Variants in CHLSN observed in about 807,000 individuals in gnomAD.
The protein encoded by CHLSN is protein cholesin.
chr7:1,129,840 TTTAAGA>T, the CHLSN span, among the ~76,000 whole-genome samples: 3 of 152,160 alleles, frequency 2.0e-5, no homozygotes, highest in Non-Finnish European at 4.4e-5. Flanking sequence ...ACACAAAGCG[TTTAAGA>T]TTAAGAGAAA....
the CHLSN span, among the ~76,000 whole-genome samples, chr7:1,102,283 G>A: frequency 3.3e-5 from 5 of 152,260 alleles, no homozygotes; most frequent in African/African-American, 1.2e-4. Flanking sequence ...GAGGAGCTGG[G>A]CCCAGCGGCA....
the CHLSN span, chr7:1,080,910 A>C: frequency 6.6e-6 from 1 of 152,388 alleles, no homozygotes; most frequent in Non-Finnish European, 1.5e-5. Flanking sequence ...ACTCTGCATG[A>C]ACTGCCTTTG....
At chr7:1,115,609 G>T in the CHLSN span, among the ~76,000 whole-genome samples, 61 of 122,458 alleles carry the variant, frequency 5.0e-4, 5 homozygotes, top group African/African-American at 1.7e-3. Context: ...TACAGCTCTA[G>T]GGATGGCTTC....
the CHLSN span, among the ~76,000 whole-genome samples, chr7:1,136,163 A>G: frequency 1.0e-5 from 1 of 100,218 alleles, no homozygotes; most frequent in East Asian, 3.1e-4. Context: ...TATATACATA[A>G]ATATGTATAA....
At chr7:1,081,410 T>C in the CHLSN span, among the ~76,000 whole-genome samples, 1 of 152,222 alleles carries the variant, frequency 6.6e-6, no homozygotes. Context: ...CCTTTCCTTG[T>C]AGAGCCCGAG....
the CHLSN span, among the ~76,000 whole-genome samples, chr7:1,017,649 C>A: frequency 2.0e-5 from 3 of 152,340 alleles, no homozygotes; most frequent in Non-Finnish European, 4.4e-5. Flanking sequence ...TCAATGCTTA[C>A]GAACTTTCCT....
the CHLSN span, among the ~76,000 whole-genome samples, chr7:1,106,731 A>G: frequency 1.2e-4 from 19 of 152,234 alleles, no homozygotes; most frequent in Non-Finnish European, 2.4e-4. Context: ...ACCAGAGAAG[A>G]TGCCGGTGCT....
chr7:1,073,413 C>A, the CHLSN span, among the ~76,000 whole-genome samples: 2 of 152,118 alleles, frequency 1.3e-5, no homozygotes, highest in Non-Finnish European at 2.9e-5. Context: ...GCTGAGCTCC[C>A]GCCGCCCCTC....
the CHLSN span, among the ~76,000 whole-genome samples, chr7:1,078,354 G>A: frequency 1.1e-4 from 17 of 152,060 alleles, no homozygotes; most frequent in South Asian, 2.1e-4. Context: ...CGGGGTGGGG[G>A]GGGGCTCAGG....
chr7:1,008,767 AACACACAC>A, the CHLSN span, among the ~76,000 whole-genome samples: 1 of 152,020 alleles, frequency 6.6e-6, no homozygotes, highest in South Asian at 2.1e-4. Context: ...CACGTGCATA[AACACACAC>A]GCACACACGC....
chr7:1,057,574 A>G, the CHLSN span: 3 of 772,732 alleles, frequency 3.9e-6, no homozygotes, highest in Admixed American at 1.7e-5. Flanking sequence ...CCTGCCTGCC[A>G]GGACCTGCAG....
chr7:1,110,605 G>A, the CHLSN span, among the ~76,000 whole-genome samples: 1 of 152,242 alleles, frequency 6.6e-6, no homozygotes, highest in African/African-American at 2.4e-5. Flanking sequence ...CATCCCGAGG[G>A]AGCAGACCGG....
the CHLSN span, among the ~76,000 whole-genome samples, chr7:1,089,639 T>A: frequency 6.6e-6 from 1 of 151,718 alleles, no homozygotes; most frequent in Non-Finnish European, 1.5e-5. Flanking sequence ...CCCAGGCTGG[T>A]CTCGAACTCC....
the CHLSN span, chr7:988,803 G>A: frequency 1.3e-6 from 2 of 1,587,090 alleles, no homozygotes; most frequent in Non-Finnish European, 1.7e-6. Context: ...CAGGCCCTGT[G>A]TGCGGTGCCC....
At chr7:1,016,636 C>T in the CHLSN span, among the ~76,000 whole-genome samples, 78 of 128,630 alleles carry the variant, frequency 6.1e-4, 3 homozygotes, top group African/African-American at 2.4e-3. Flanking sequence ...CAGTAGCGCA[C>T]GCCAGCGCAC....
chr7:1,080,774 C>G, the CHLSN span: 1 of 152,310 alleles, frequency 6.6e-6, no homozygotes, highest in Non-Finnish European at 1.5e-5. Context: ...CCTCATCCCT[C>G]TGACTCCGTG....
At chr7:988,275 A>C in the CHLSN span, 1 of 1,575,892 alleles carries the variant, frequency 6.3e-7, no homozygotes, top group East Asian at 2.3e-5. Flanking sequence ...CTGCCCCCAC[A>C]GGGCACGCCC....
the CHLSN span, among the ~76,000 whole-genome samples, chr7:1,054,332 A>C: frequency 0.11 from 17,443 of 152,286 alleles, 1,222 homozygotes; most frequent in Middle Eastern, 0.26. Flanking sequence ...GGTGAACTGC[A>C]CAGAGAGCAA....
chr7:1,080,069 G>A, the CHLSN span, among the ~76,000 whole-genome samples: 1 of 152,216 alleles, frequency 6.6e-6, no homozygotes, highest in Non-Finnish European at 1.5e-5. Context: ...GAATTCCAGG[G>A]CTCAGTAGGA....
Sources: allele counts gnomAD v4.1 joint callset (sites outside exome capture counted in the v4.1 genomes callset), GRCh38; gene constraint gnomAD v4.1.1; transcripts MANE v1.5; gene names NCBI Gene and HGNC (gene_info 2026-07-23, HGNC 2026-07-21).